Variants in CTDSPL2 observed in about 807,000 individuals in gnomAD.
The protein encoded by CTDSPL2 is CTD small phosphatase like 2.
A neutral mutation model predicts 60.0 loss-of-function variants in CTDSPL2; 5 were observed. That is an observed-to-expected ratio of 0.08 (90% confidence interval 0.04 to 0.18). The LOEUF (loss-of-function observed/expected upper bound fraction) is 0.18, where lower values mean the gene tolerates loss of function less well. Ranked by LOEUF, CTDSPL2 falls within the 10% of genes least tolerant of loss-of-function variation. The pLI is 1.00. For missense variants in CTDSPL2, 370 were observed against 548.8 expected, an observed-to-expected ratio of 0.67 and a Z score of 3.26; for synonymous variants, 186 against 189.3, an observed-to-expected ratio of 0.98 and a Z score of 0.14.
chr15:44,427,875 C>T (rs1415358615), intron 1 of CTDSPL2, 103 bp downstream of exon 1: 2 of 392,196 alleles, frequency 5.1e-6, no homozygotes, highest in African/African-American at 2.1e-5. Flanking sequence ...CCTGGTCCTC[C>T]AGCGGCTCTG....
intron 1 of CTDSPL2, among the ~76,000 whole-genome samples, chr15:44,454,615 C>G (rs1020148662): frequency 7.9e-5 from 12 of 152,098 alleles, no homozygotes; most frequent in African/African-American, 2.4e-4. Flanking sequence ...AAGGTGTAAG[C>G]AAGGGATCCA....
intron 1 of CTDSPL2, among the ~76,000 whole-genome samples, chr15:44,440,456 A>G (rs1250208967): frequency 6.6e-6 from 1 of 151,986 alleles, no homozygotes; most frequent in Non-Finnish European, 1.5e-5. Flanking sequence ...TTGGCCTCCA[A>G]AAGTGCTGGG....
At chr15:44,480,937 T>C (rs1470300604) in intron 2 of CTDSPL2, among the ~76,000 whole-genome samples, 3 of 152,226 alleles carry the variant, frequency 2.0e-5, no homozygotes, top group African/African-American at 7.2e-5. Context: ...TCTTTCCTAG[T>C]TCGTCTTCCT....
rs1227979766 is a variant in CTDSPL2, at chr15:44,496,369, A to G, written c.692-11A>G. On this transcript the variant is annotated splice_polypyrimidine_tract_variant and intron_variant, in intron 5 of 12. Transcript: ENST00000260327. ...TAAAAGCAACATTTTTTCTTTCACT[A>G]TGTTAAATAGCACCAGTAACTCCAG... The G allele has an allele frequency of 5.0e-6, 8 of 1,599,188 alleles. No individual in the cohort carries two copies. The highest frequency in any genetic ancestry group is 1.1e-5 in the South Asian group (1 of 90,122).
intron 1 of CTDSPL2, among the ~76,000 whole-genome samples, chr15:44,447,067 T>G (rs2080232858): frequency 6.6e-6 from 1 of 152,204 alleles, no homozygotes; most frequent in South Asian, 2.1e-4. Flanking sequence ...ATTTTCACAT[T>G]GCAAGTTATT....
Position 44,431,157 on chromosome 15 carries a change from C to T in CTDSPL2, c.-25+3385C>T, listed in dbSNP as rs144942145. On this transcript the variant is annotated intron_variant, in intron 1 of 12. Transcript: ENST00000260327. ...TTTTTTTTTAATGGAGACGGGGTCT[C>T]GCTGTGTCACCCAGACTGGTCTCAA... Among the ~76,000 whole-genome samples, 476 of 150,256 alleles carry T rather than the reference C, an allele frequency of 3.2e-3. 1 individual carries two copies. Among genetic ancestry groups the T allele is most frequent in the Non-Finnish European group, 4.9e-3 (333 of 67,644 alleles).
intron 1 of CTDSPL2, among the ~76,000 whole-genome samples, chr15:44,442,451 A>G (rs1408699713): frequency 6.6e-6 from 1 of 151,854 alleles, no homozygotes; most frequent in Non-Finnish European, 1.5e-5. Context: ...TGTCTCAAAA[A>G]AAAAAAAAAA....
intron 4 of CTDSPL2, among the ~76,000 whole-genome samples, chr15:44,487,534 G>GCT (rs2081142078): frequency 6.6e-6 from 1 of 152,138 alleles, no homozygotes; most frequent in Non-Finnish European, 1.5e-5. Context: ...CTCACAAAAG[G>GCT]CTTGAAAGAA....
At chr15:44,451,186 G>C (rs2080327983) in intron 1 of CTDSPL2, among the ~76,000 whole-genome samples, 1 of 152,074 alleles carries the variant, frequency 6.6e-6, no homozygotes, top group African/African-American at 2.4e-5. Flanking sequence ...TGCAGCCTCA[G>C]CTTCTCAGGC....
chr15:44,503,513 GT>G (rs1368874748), intron 8 of CTDSPL2: 1 of 152,186 alleles, frequency 6.6e-6, no homozygotes, highest in Non-Finnish European at 1.5e-5. Flanking sequence ...ACAAGCAGGA[GT>G]GAATCAAAAG....
At chr15:44,497,373 C>A (rs1274474630) in intron 7 of CTDSPL2, among the ~76,000 whole-genome samples, 1 of 151,968 alleles carries the variant, frequency 6.6e-6, no homozygotes, top group Non-Finnish European at 1.5e-5. Flanking sequence ...AGCACAATTT[C>A]TTATTTTTTT....
At chr15:44,427,815 GTCC>G (rs1020425901) in intron 1 of CTDSPL2, 43 bp downstream of exon 1, 50 of 397,902 alleles carry the variant, frequency 1.3e-4, no homozygotes, top group Admixed American at 6.6e-4. Flanking sequence ...TCCAATCTCA[GTCC>G]TCCTCCTCTT....
At chr15:44,427,944 C>T in intron 1 of CTDSPL2, 172 bp downstream of exon 1, 1 of 349,556 alleles carries the variant, frequency 2.9e-6, no homozygotes, top group East Asian at 4.2e-5. Flanking sequence ...GGAGCCGCTC[C>T]TGTCTGGACT....
At chr15:44,521,056 T>C in intron 11 of CTDSPL2, 1 of 207,906 alleles carries the variant, frequency 4.8e-6, no homozygotes, top group Non-Finnish European at 9.5e-6. Context: ...TAAAATGTAT[T>C]TTAATGGAAC....
intron 8 of CTDSPL2, among the ~76,000 whole-genome samples, chr15:44,506,851 C>T (rs2081476056): frequency 6.6e-6 from 1 of 152,006 alleles, no homozygotes; most frequent in Non-Finnish European, 1.5e-5. Flanking sequence ...ACTGCCAGCT[C>T]CGCCTCCCAG....
intron 3 of CTDSPL2, among the ~76,000 whole-genome samples, chr15:44,485,265 C>T (rs1034444440): frequency 6.6e-6 from 1 of 152,160 alleles, no homozygotes; most frequent in Non-Finnish European, 1.5e-5. Flanking sequence ...CTGTCAATAC[C>T]TTGTTGCATA....
chr15:44,473,042 C>G (rs2080843123), intron 2 of CTDSPL2, among the ~76,000 whole-genome samples: 1 of 152,192 alleles, frequency 6.6e-6, no homozygotes. Context: ...AGAGATCATC[C>G]TACCTTGGCC....
chr15:44,488,109 CAAA>C (rs554716828), intron 4 of CTDSPL2, among the ~76,000 whole-genome samples: 4 of 90,134 alleles, frequency 4.4e-5, no homozygotes, highest in African/African-American at 4.1e-5. Context: ...GACTCCGTCT[CAAA>C]AAAAAAAAAA....
At chr15:44,521,264 G>T (rs367998345) in intron 11 of CTDSPL2, 47 bp from the exon 12 acceptor site, 1 of 944,948 alleles carries the variant, frequency 1.1e-6, no homozygotes, top group Non-Finnish European at 1.6e-6. Context: ...TCCAAACTAG[G>T]TAAAATATAA....
Sources: allele counts gnomAD v4.1 joint callset (sites outside exome capture counted in the v4.1 genomes callset), GRCh38; gene constraint gnomAD v4.1.1; transcripts MANE v1.5; gene names NCBI Gene and HGNC (gene_info 2026-07-23, HGNC 2026-07-21).